CORO1B: variants seen among roughly 807,000 people sequenced by gnomAD.
The protein encoded by CORO1B is coronin 1B.
In CORO1B, 30 loss-of-function variants were observed where a neutral mutation model predicts 51.1. The ratio of observed to expected loss-of-function variants is 0.59; its 90% CI spans 0.44 to 0.80. The LOEUF (loss-of-function observed/expected upper bound fraction) is 0.80. CORO1B is among the 30% of genes least tolerant of loss of function. CORO1B has a pLI of 0.00. For missense variants in CORO1B, 648 were observed against 700.4 expected (o/e 0.93, Z 0.84); for synonymous variants, 310 against 289.7 (o/e 1.07, Z -0.71).
chr11:67,435,854 G>C lies in CORO1B; in HGVS notation c.*2522C>G, dbSNP rs755617165. 2.5e-6 allele frequency: 4 copies of C among 1,609,774 alleles called. No individual in the cohort carries two copies. In the South Asian group the frequency reaches 4.4e-5, roughly 18 times the overall value. ...GGCCTCAGCACTGCCCCCTGCGCTC[G>C]CTGGTCCTGGGGAGCCGAGGACCAG... On this transcript the variant is annotated 3_prime_UTR_variant, in exon 11 of 11. Coordinates refer to ENST00000341356, the MANE Select transcript of CORO1B (RefSeq NM_020441.3).
Position 67,440,323 on chromosome 11 carries a change from G to T in CORO1B, c.861+12C>A. 6.2e-7 allele frequency: 1 copy of T among 1,613,294 alleles called. No individual in the cohort carries two copies. Reference sequence around the variant, plus strand: ...CTCTTCCCTGCCCCTCGCCAGCCCTGCCCAGCCCCACCTTGCCGCAGACGT... The same window carrying T: ...CTCTTCCCTGCCCCTCGCCAGCCCTTCCCAGCCCCACCTTGCCGCAGACGT... On this transcript the variant is annotated intron_variant, in intron 7 of 10. Transcript: ENST00000341356.
In CORO1B at chr11:67,442,605, C is replaced by A. The variant is rs757084468; in HGVS notation, c.24G>T (p.Arg8=). 6.2e-7 allele frequency: 1 copy of A among 1,613,592 alleles called. No homozygotes were observed. Among genetic ancestry groups the A allele is most frequent in the Non-Finnish European group, 8.5e-7 (1 of 1,180,008 alleles). MSFRKVV[R]QSKFRHVFGQ... ...CGAACACATGCCGGAATTTGCTCTG[C>A]CGGACCACTTTGCGGAAGGACATGT... Residue 8 remains arginine, a synonymous_variant, in exon 2 of 11, where the codon CGG becomes CGT. Transcript: ENST00000341356.
At chr11:67,442,141 C>T in intron 2 of CORO1B, 53 bp from the exon 3 acceptor site, 2 of 1,590,924 alleles carry the variant, frequency 1.3e-6, no homozygotes, top group Non-Finnish European at 1.7e-6. Context: ...AAGCCTTGGT[C>T]TTCCCCTCCA....
intron 5 of CORO1B, 33 bp downstream of exon 5, chr11:67,441,300 C>G (rs1356810874): frequency 6.2e-7 from 1 of 1,612,848 alleles, no homozygotes; most frequent in Non-Finnish European, 8.5e-7. Flanking sequence ...CTGGGCCTAT[C>G]CACAGCCATC....
rs373980652 is a variant in CORO1B at position 67,442,684 on chromosome 11, T to G, written c.-2-54A>C. ...CGGCCCATCCCAACAACTCCAGCCCTCCCCAGGCTGCTGAAGGTGAGCCGG... is the reference window on the plus strand; with the variant it reads ...CGGCCCATCCCAACAACTCCAGCCCGCCCCAGGCTGCTGAAGGTGAGCCGG... On this transcript the variant is annotated intron_variant, in intron 1 of 10. Transcript: ENST00000341356. The G allele has an allele frequency of 1.3e-5, 20 of 1,561,282 alleles. No homozygotes were observed. In the East Asian group the frequency reaches 1.8e-4, roughly 14 times the overall value.
chr11:67,442,885 G>C (rs766707011), intron 1 of CORO1B, among the ~76,000 whole-genome samples: 4 of 152,224 alleles, frequency 2.6e-5, no homozygotes, highest in Non-Finnish European at 5.9e-5. Context: ...GCAGGACGCA[G>C]GGCCCCTCCC....
chr11:67,443,409 G>T lies in CORO1B; in HGVS notation c.-8C>A, dbSNP rs550916783. 0.014 allele frequency: 13,790 copies of T among 963,448 alleles called. 110 individuals carry two copies. Among genetic ancestry groups the T allele is most frequent in the Non-Finnish European group, 0.016 (12,741 of 809,434 alleles). 59.7% of individuals were successfully genotyped at this position (963,448 alleles called of 1,614,324 possible). On this transcript the variant is annotated 5_prime_UTR_variant, in exon 1 of 11. Coordinates refer to ENST00000341356, the MANE Select transcript of CORO1B (RefSeq NM_020441.3). ...CCCGGCCCTGCCGCGCTCACCGGGG[G>T]CACCGGGGGCGCAGGGGGCTGCGGC...
chr11:67,436,426 A>T lies in CORO1B; in HGVS notation c.*1950T>A, dbSNP rs746498186. On this transcript the variant is annotated 3_prime_UTR_variant, in exon 11 of 11. Coordinates refer to ENST00000341356, the MANE Select transcript of CORO1B (RefSeq NM_020441.3). ...TGGTGTGGGGCAGGCTGGGTGACCA[A>T]GACCACTTTCGTTTTTTTCTCTTTG... is the stretch of plus-strand genomic sequence containing the variant. 74 of 1,408,328 alleles carry T rather than the reference A, an allele frequency of 5.3e-5. No individual in the cohort carries two copies. Among genetic ancestry groups the T allele is most frequent in the Non-Finnish European group, 6.6e-5 (72 of 1,083,542 alleles). 87.2% of individuals were successfully genotyped at this position (1,408,328 alleles called of 1,614,324 possible). A position where few individuals can be genotyped will look rare whatever the true frequency, so the allele number is the denominator to read the frequency against.
rs1237017388 is a variant in CORO1B at position 67,438,403 on chromosome 11, C to G, written c.1443G>C (p.Leu481=). 12 of 1,609,246 alleles carry G rather than the reference C, an allele frequency of 7.5e-6. No individual in the cohort carries two copies. The African/African-American group carries it at 1.5e-4, about 20-fold the overall frequency. Residue 481 remains leucine (L), a synonymous_variant, in exon 11 of 11, where the codon CTG becomes CTC. Coordinates refer to ENST00000341356, the MANE Select transcript of CORO1B (RefSeq NM_020441.3). Reference sequence around the variant, plus strand: ...ACGCATCCCCGTTCTCCATGCGGCCCAGCTGCTCCTCCAGGCGGCAGATGC... The same window carrying G: ...ACGCATCCCCGTTCTCCATGCGGCCGAGCTGCTCCTCCAGGCGGCAGATGC... The part of the protein sequence containing the change: ...GDRICRLEEQ[L]GRMENGDA
Position 67,437,812 on chromosome 11 carries a change from T to G in CORO1B, c.*564A>C, listed in dbSNP as rs1354751744. ...CCTCCCCAGTCTCTCTGGAGGAGGCTGGGCTGCCGGGCCTGTCCTCCAAGG... is the reference window on the plus strand; with the variant it reads ...CCTCCCCAGTCTCTCTGGAGGAGGCGGGGCTGCCGGGCCTGTCCTCCAAGG... On this transcript the variant is annotated 3_prime_UTR_variant, in exon 11 of 11. Transcript: ENST00000341356. 9 of 487,212 alleles carry G rather than the reference T, an allele frequency of 1.8e-5. No individual in the cohort carries two copies. The East Asian group carries it at 3.2e-4, about 17-fold the overall frequency. 30.2% of individuals were successfully genotyped at this position (487,212 alleles called of 1,614,324 possible).
intron 9 of CORO1B, among the ~76,000 whole-genome samples, 198 bp from the exon 10 acceptor site, chr11:67,439,147 C>G (rs943771795): frequency 6.6e-6 from 1 of 152,238 alleles, no homozygotes; most frequent in Non-Finnish European, 1.5e-5. Flanking sequence ...GAGCAAGGCC[C>G]CTGTCATCAC....
chr11:67,441,561 C>A (rs1229168661), intron 4 of CORO1B, 47 bp from the exon 5 acceptor site: 1 of 1,587,754 alleles, frequency 6.3e-7, no homozygotes, highest in Non-Finnish European at 8.6e-7. Context: ...TGGCAGGAGG[C>A]CATTAGCTCA....
At position 67,437,836 on chromosome 11, in the gene CORO1B, G is replaced by A. The variant is rs1385371344; in HGVS notation, c.*540C>T. The A allele has an allele frequency of 4.8e-6, 2 of 412,490 alleles. No homozygotes were observed. Among genetic ancestry groups the A allele is most frequent in the Admixed American group, 4.4e-5 (1 of 22,724 alleles). The allele number at this position is 412,490 out of a possible 1,614,324, so 25.6% of individuals were successfully genotyped here. ...CTGGGCTGCCGGGCCTGTCCTCCAA[G>A]GAAGAAGCAGCACCAACTTGAAGCT... is the stretch of plus-strand genomic sequence containing the variant. On this transcript the variant is annotated 3_prime_UTR_variant, in exon 11 of 11. Coordinates refer to ENST00000341356, the MANE Select transcript of CORO1B (RefSeq NM_020441.3).
intron 8 of CORO1B, 40 bp downstream of exon 8, chr11:67,440,078 A>C: frequency 6.3e-7 from 1 of 1,576,052 alleles, no homozygotes. Context: ...CTCTCACCTT[A>C]GATGCCCCTA....
Position 67,436,136 on chromosome 11 carries a change from G to GCGCAC in CORO1B, c.*2239_*2240insGTGCG. ...CAGGCGCCGCGTGCGGCCCCACAGC[G>GCGCAC]CGGCACCTAGGCGGGCCGGGTGGTA... is the stretch of plus-strand genomic sequence containing the variant. On this transcript the variant is annotated 3_prime_UTR_variant, in exon 11 of 11. Coordinates refer to ENST00000341356, the MANE Select transcript of CORO1B (RefSeq NM_020441.3). 1.3e-6 allele frequency: 2 copies of GCGCAC among 1,582,706 alleles called. No individual in the cohort carries two copies. The highest frequency in any genetic ancestry group is 1.7e-6 in the Non-Finnish European group (2 of 1,164,320).
chr11:67,440,908 C>A (rs1315901150), intron 6 of CORO1B: 1 of 688,206 alleles, frequency 1.5e-6, no homozygotes, highest in Admixed American at 2.3e-5. Context: ...ACAACATGGG[C>A]AAAGACACAG....
At position 67,437,600 on chromosome 11, in the gene CORO1B, G is replaced by C; in HGVS notation, c.*776C>G. ...TGTGGCCCCCATCCCAAGAACCCGGGGGGCTCCGAGGCTTACCATTGGTCC... is the reference window on the plus strand; with the variant it reads ...TGTGGCCCCCATCCCAAGAACCCGGCGGGCTCCGAGGCTTACCATTGGTCC... On this transcript the variant is annotated 3_prime_UTR_variant, in exon 11 of 11. Coordinates refer to ENST00000341356, the MANE Select transcript of CORO1B (RefSeq NM_020441.3). 1 of 1,352,132 alleles carries C rather than the reference G, an allele frequency of 7.4e-7. No homozygotes were observed. Among genetic ancestry groups the C allele is most frequent in the Non-Finnish European group, 9.6e-7 (1 of 1,043,182 alleles). 83.8% of individuals were successfully genotyped at this position (1,352,132 alleles called of 1,614,324 possible). A position where few individuals can be genotyped will look rare whatever the true frequency, so the allele number is the denominator to read the frequency against.
chr11:67,438,268 C>T lies in CORO1B; in HGVS notation c.*108G>A, dbSNP rs1215198700. 56 of 1,439,572 alleles carry T rather than the reference C, an allele frequency of 3.9e-5. No homozygotes were observed. Among genetic ancestry groups the T allele is most frequent in the Admixed American group, 1.0e-4 (5 of 48,412 alleles). 89.2% of individuals were successfully genotyped at this position (1,439,572 alleles called of 1,614,324 possible). A position where few individuals can be genotyped will look rare whatever the true frequency, so the allele number is the denominator to read the frequency against. ...GGGTGGGGGTGGGAACTGACCCCTG[C>T]GCTGCCTCAGAGGCTCTGGGCAGCC... On this transcript the variant is annotated 3_prime_UTR_variant, in exon 11 of 11. Transcript: ENST00000341356.
rs552036455 is a variant in CORO1B, at chr11:67,437,960, CCTT to C, written c.*413_*415del. ...TGTGGGGCTGCTCACTGCCCCCAGACCTTCTGCACATGTGTGACTCCTGTGACA... is the reference window on the plus strand; with the variant it reads ...TGTGGGGCTGCTCACTGCCCCCAGACCTGCACATGTGTGACTCCTGTGACA... On this transcript the variant is annotated 3_prime_UTR_variant, in exon 11 of 11. Transcript: ENST00000341356. 3.0e-4 allele frequency: 109 copies of C among 363,680 alleles called. No individual in the cohort carries two copies. Among genetic ancestry groups the C allele is most frequent in the African/African-American group, 2.1e-3 (102 of 48,090 alleles). 22.5% of individuals were successfully genotyped at this position (363,680 alleles called of 1,614,324 possible).
Sources: gnomAD v4.1 joint callset for allele counts (sites outside exome capture counted in the v4.1 genomes callset) on GRCh38, gnomAD v4.1.1 for gene constraint, MANE v1.5 for transcripts, NCBI Gene and HGNC (gene_info 2026-07-23, HGNC 2026-07-21) for gene names.